The following SORBS2 variants were observed in gnomAD, a reference collection of about 807,000 sequenced individuals.
The protein encoded by SORBS2 is sorbin and SH3 domain containing 2, also known as sorbin and SH3 domain-containing protein 2.
In SORBS2, 46 loss-of-function variants were observed where a neutral mutation model predicts 97.7. That is an observed-to-expected ratio of 0.47 (90% CI 0.37 to 0.60). SORBS2 has a LOEUF of 0.60. Ranked by LOEUF, SORBS2 falls within the 20% of genes least tolerant of loss-of-function variation. The pLI, the probability that SORBS2 is intolerant of heterozygous loss-of-function variation, is 0.00. For synonymous variants in SORBS2, 476 were observed against 473.4 expected (o/e 1.01, Z -0.07); for missense variants, 1,316 against 1,282.3 (o/e 1.03, Z -0.40).
chr4:185,844,335 A>C (rs2099213260), intron 1 of SORBS2, among the ~76,000 whole-genome samples: 1 of 152,240 alleles, frequency 6.6e-6, no homozygotes, highest in South Asian at 2.1e-4. Context: ...TATGCGAATG[A>C]TCGGCAGACA....
chr4:185,900,212 A>G (rs1293345998), intron 1 of SORBS2, among the ~76,000 whole-genome samples: 3 of 152,242 alleles, frequency 2.0e-5, no homozygotes, highest in Admixed American at 2.0e-4. Context: ...GTAAAAAGGC[A>G]GTGAAGTACA....
At chr4:185,873,874 A>G (rs1285852330) in intron 1 of SORBS2, among the ~76,000 whole-genome samples, 1 of 152,192 alleles carries the variant, frequency 6.6e-6, no homozygotes, top group Non-Finnish European at 1.5e-5. Flanking sequence ...AATTATGCCA[A>G]TATAAACTAA....
At chr4:185,707,120 T>C (rs2098355608) in intron 2 of SORBS2, among the ~76,000 whole-genome samples, 1 of 152,338 alleles carries the variant, frequency 6.6e-6, no homozygotes, top group Non-Finnish European at 1.5e-5. Context: ...TAATTACATA[T>C]GTGTTACATA....
chr4:185,677,456 A>G, intron 4 of SORBS2: 1 of 1,552,144 alleles, frequency 6.4e-7, no homozygotes, highest in Non-Finnish European at 8.7e-7. Context: ...CAGAATATAC[A>G]ATTGTCTGTC....
intron 9 of SORBS2, among the ~76,000 whole-genome samples, chr4:185,618,133 C>G (rs2096656892): frequency 6.6e-6 from 1 of 152,054 alleles, no homozygotes; most frequent in African/African-American, 2.4e-5. Context: ...TGCCCCCATG[C>G]CTAGCTAATT....
Position 185,611,842 on chromosome 4 carries a change from G to A in SORBS2, c.2734C>T (p.Pro912Ser), listed in dbSNP as rs139337570. The A allele has an allele frequency of 2.4e-4, 394 of 1,614,058 alleles. 1 individual carries two copies. In the African/African-American group the frequency reaches 4.7e-3, roughly 19 times the overall value. ...TAGCTGTGGGGTATTGGAGGGTCAG[G>A]GTAGTCCTCAGCACCTTTTGTGTTC... Residue 912 changes from proline (P) to serine (S), a missense_variant, in exon 12 of 15, where the codon CCT becomes TCT. Physicochemically the swap from Pro to Ser is moderately conservative, Grantham distance 74 (BLOSUM62 -1). Coordinates refer to ENST00000418609, the Ensembl canonical transcript of SORBS2.
chr4:185,725,887 T>G (rs2098551446), intron 2 of SORBS2, among the ~76,000 whole-genome samples: 3 of 152,224 alleles, frequency 2.0e-5, no homozygotes, highest in Admixed American at 2.0e-4. Flanking sequence ...CAACACAACA[T>G]GATCCTAACC....
chr4:185,704,599 G>A (rs1241313352), intron 2 of SORBS2, among the ~76,000 whole-genome samples: 6 of 152,084 alleles, frequency 3.9e-5, no homozygotes, highest in East Asian at 1.9e-4. Context: ...GATTACAGGC[G>A]TGAGCCACCG....
intron 1 of SORBS2, among the ~76,000 whole-genome samples, chr4:185,655,992 C>A (rs1282328999): frequency 6.6e-6 from 1 of 152,136 alleles, no homozygotes; most frequent in Non-Finnish European, 1.5e-5. Flanking sequence ...CCAATGACAC[C>A]ATTTCTGTCT....
chr4:185,809,455 C>CAAAAAAA lies in SORBS2; in HGVS notation c.-337-34096_-337-34090dup, dbSNP rs55713465. On this transcript the variant is annotated intron_variant, in intron 1 of 20. Coordinates refer to the SORBS2 transcript ENST00000284776. ...GACTCTTCAGGGGGCACTGCATTTG[C>CAAAAAAA]AAAAAAAAAAAAAAAAAAAAAAAAA... is the stretch of plus-strand genomic sequence containing the variant. 4.1e-3 allele frequency among the ~76,000 whole-genome samples: 192 copies of CAAAAAAA among 47,288 alleles called. 49 individuals are homozygous for CAAAAAAA. Among genetic ancestry groups the CAAAAAAA allele is most frequent in the African/African-American group, 0.015 (175 of 11,558 alleles). The allele number at this position is 47,288 out of a possible 152,430, so 31.0% of individuals were successfully genotyped here.
chr4:185,919,056 T>C (rs2099259717), intron 1 of SORBS2, among the ~76,000 whole-genome samples: 1 of 152,200 alleles, frequency 6.6e-6, no homozygotes, highest in Admixed American at 6.5e-5. Flanking sequence ...AGTATTTGCA[T>C]AGCTCTCTTA....
intron 2 of SORBS2, 40 bp downstream of exon 3, chr4:185,734,059 C>A (rs1314975003): frequency 6.6e-6 from 1 of 152,662 alleles, no homozygotes; most frequent in East Asian, 1.9e-4. Flanking sequence ...CAGCCCCAAA[C>A]CCAGGCAGTG....
intron 1 of SORBS2, among the ~76,000 whole-genome samples, chr4:185,786,929 C>T (rs2099058567): frequency 6.8e-6 from 1 of 146,592 alleles, no homozygotes; most frequent in Non-Finnish European, 1.5e-5. Flanking sequence ...TGCCACTGCA[C>T]TCCAATCTGG....
upstream of SORBS2, among the ~76,000 whole-genome samples, chr4:185,659,293 G>A (rs573271700): frequency 3.3e-5 from 5 of 152,174 alleles, no homozygotes; most frequent in African/African-American, 1.2e-4. Flanking sequence ...ATCAGTGCTG[G>A]GGAAGGAGGT....
chr4:185,888,909 G>C (rs1365827701), intron 1 of SORBS2, among the ~76,000 whole-genome samples: 2 of 152,210 alleles, frequency 1.3e-5, no homozygotes, highest in Non-Finnish European at 2.9e-5. Context: ...TTGTATTCAG[G>C]GCAGAGTAGG....
intron 2 of SORBS2, among the ~76,000 whole-genome samples, chr4:185,770,028 G>A (rs1316125003): frequency 1.3e-5 from 2 of 151,824 alleles, no homozygotes; most frequent in Non-Finnish European, 2.9e-5. Flanking sequence ...TGAAGCAGTT[G>A]ACAGATCATG....
intron 14 of SORBS2, among the ~76,000 whole-genome samples, chr4:185,588,593 C>CCCT (rs1229842759): frequency 1.5e-5 from 1 of 65,228 alleles, no homozygotes; most frequent in African/African-American, 6.0e-5. Flanking sequence ...CGTTTCTCCT[C>CCCT]CCTCCTCCTC....
rs373745459 is a variant in SORBS2, at chr4:185,892,069, G to A, written c.-338+64127C>T. ...AGGATGGTCTCGATCTCCTGACCTC[G>A]TGATCCGCCTGCCTCGGTCTCCCAA... On this transcript the variant is annotated intron_variant, in intron 1 of 20. Coordinates refer to the SORBS2 transcript ENST00000284776. 1.4e-4 allele frequency among the ~76,000 whole-genome samples: 22 copies of A among 152,168 alleles called. No individual in the cohort carries two copies. The East Asian group carries it at 2.7e-3, about 19-fold the overall frequency.
Position 185,891,562 on chromosome 4 carries a change from CTT to C in SORBS2, c.-338+64632_-338+64633del, listed in dbSNP as rs759015451. ...ACCTAAGACTGGCCTTTTGAAATGT[CTT>C]TTCAGGTTTTTGCACTTCTGACCAC... On this transcript the variant is annotated intron_variant, in intron 1 of 20. Transcript: ENST00000284776. 8.5e-5 allele frequency among the ~76,000 whole-genome samples: 13 copies of C among 152,306 alleles called. No homozygotes were observed. In the East Asian group the frequency reaches 2.5e-3, roughly 29 times the overall value.
Sources: gnomAD v4.1 joint callset for allele counts (sites outside exome capture counted in the v4.1 genomes callset) on GRCh38, gnomAD v4.1.1 for gene constraint, MANE v1.5 for transcripts, NCBI Gene and HGNC (gene_info 2026-07-23, HGNC 2026-07-21) for gene names.